Variants in PRKAR1A observed in about 807,000 individuals in gnomAD.
The protein encoded by PRKAR1A is cAMP-dependent protein kinase type I-alpha regulatory subunit.
PRKAR1A carries 3 observed loss-of-function variants against 52.0 expected under a neutral mutation model. The ratio of observed to expected loss-of-function variants is 0.06; its 90% CI spans 0.03 to 0.15. The LOEUF (loss-of-function observed/expected upper bound fraction) is 0.15. Ranked by LOEUF, PRKAR1A falls within the 10% of genes least tolerant of loss-of-function variation. PRKAR1A has a pLI of 1.00. For synonymous variants in PRKAR1A, 188 were observed against 168.4 expected, an observed-to-expected ratio of 1.12 and a Z score of -0.90; for missense variants, 240 against 477.4, an observed-to-expected ratio of 0.50 and a Z score of 4.63.
At chr17:68,443,512 C>T in the PRKAR1A span, among the ~76,000 whole-genome samples, 1 of 152,188 alleles carries the variant, frequency 6.6e-6, no homozygotes, top group Non-Finnish European at 1.5e-5. Context: ...GAAGAGAAGG[C>T]ATCAGAAGTA....
chr17:68,536,406 TAAA>T (rs1568713220), downstream of PRKAR1A: 1 of 454,164 alleles, frequency 2.2e-6, no homozygotes, highest in East Asian at 6.9e-5. Context: ...AGCCTCCTAT[TAAA>T]AGGAGTTTCA....
upstream of PRKAR1A, among the ~76,000 whole-genome samples, chr17:68,510,541 G>A (rs995820030): frequency 6.6e-6 from 1 of 152,178 alleles, no homozygotes; most frequent in African/African-American, 2.4e-5. Flanking sequence ...ACCAAACTCA[G>A]ATTTACCTGA....
the PRKAR1A span, among the ~76,000 whole-genome samples, chr17:68,425,019 C>G: frequency 6.6e-6 from 1 of 152,218 alleles, no homozygotes; most frequent in African/African-American, 2.4e-5. Flanking sequence ...AAGGAAGCCC[C>G]AGCAGGCTCT....
intron 7 of PRKAR1A, among the ~76,000 whole-genome samples, chr17:68,527,068 T>C (rs1390704913): frequency 6.6e-6 from 1 of 152,222 alleles, no homozygotes; most frequent in Admixed American, 6.5e-5. Flanking sequence ...AAAGGAAACA[T>C]AGAATGTTTA....
intron 11 of PRKAR1A, among the ~76,000 whole-genome samples, chr17:68,548,725 A>AT (rs753348891): frequency 0.13 from 10,186 of 78,928 alleles, 1,175 homozygotes; most frequent in African/African-American, 0.21. Context: ...ATGCCTGTAT[A>AT]TTTTTTTTTT....
the PRKAR1A span, chr17:68,426,250 G>GGGGGGGGGGGGGGGA: frequency 2.4e-6 from 2 of 828,060 alleles, no homozygotes; most frequent in Non-Finnish European, 1.9e-6. Flanking sequence ...GGTGGGGAGC[G>GGGGGGGGGGGGGGGA]GGGGCTCAAA....
At chr17:68,441,725 C>T in the PRKAR1A span, among the ~76,000 whole-genome samples, 30 of 152,316 alleles carry the variant, frequency 2.0e-4, no homozygotes, top group South Asian at 4.1e-3. Context: ...GCCACAACCT[C>T]AGGTAACGCT....
rs200599944 is a variant in PRKAR1A, at chr17:68,539,892, C to T, written c.973+9891C>T. 154 of 1,614,032 alleles carry T rather than the reference C, an allele frequency of 9.5e-5. No individual in the cohort carries two copies. The highest frequency in any genetic ancestry group is 1.2e-4 in the Non-Finnish European group (146 of 1,179,940). On this transcript the variant is annotated intron_variant, in intron 11 of 11. Coordinates refer to the PRKAR1A transcript ENST00000585981. Reference sequence around the variant, plus strand: ...ACACGTGGGGAAGCTCACCCTCTGGCGTTGTCAAGGTGAATAAGGAACCCA... The same window carrying T: ...ACACGTGGGGAAGCTCACCCTCTGGTGTTGTCAAGGTGAATAAGGAACCCA...
intron 11 of PRKAR1A, chr17:68,539,260 C>T: frequency 6.7e-7 from 1 of 1,486,226 alleles, no homozygotes. Flanking sequence ...ACTGGAAGCC[C>T]TTCAGACCTT....
intron 11 of PRKAR1A, chr17:68,539,750 G>T: frequency 1.2e-6 from 1 of 801,232 alleles, no homozygotes; most frequent in Non-Finnish European, 2.1e-6. Flanking sequence ...AATGGAAGAA[G>T]CCGGGCTCGA....
chr17:68,547,148 C>G lies in PRKAR1A; in HGVS notation c.974-3936C>G, dbSNP rs2086609610. 2.0e-5 allele frequency among the ~76,000 whole-genome samples: 3 copies of G among 152,212 alleles called. No homozygotes were observed. In the South Asian group the frequency reaches 6.2e-4, roughly 32 times the overall value. ...AGAGCACAGGCAGAGTAAAATTTAG[C>G]ATCACTCTTGAGGGCCTGAGGATGT... On this transcript the variant is annotated intron_variant, in intron 11 of 11. Coordinates refer to the PRKAR1A transcript ENST00000585981.
intron 10 of PRKAR1A, 47 bp from the exon 11 acceptor site, chr17:68,530,230 A>G (rs747025128): frequency 2.5e-6 from 4 of 1,602,052 alleles, no homozygotes; most frequent in Admixed American, 3.3e-5. Flanking sequence ...CTTTAAGGAA[A>G]TGTTTTTCAT....
rs765055840 is a variant in PRKAR1A at position 68,522,714 on chromosome 17, A to C, written c.178-42A>C. Reference sequence around the variant, plus strand: ...TGGAACATGAGAGTGCCAGCTTTACATGCCGAAGGATCTCATTTTGCAAAC... The same window carrying C: ...TGGAACATGAGAGTGCCAGCTTTACCTGCCGAAGGATCTCATTTTGCAAAC... On this transcript the variant is annotated intron_variant, in intron 2 of 10. Transcript: ENST00000589228. 3.7e-6 allele frequency: 6 copies of C among 1,608,048 alleles called. No homozygotes were observed. The Admixed American group carries it at 8.3e-5, about 22-fold the overall frequency.
rs774560279 is a variant in PRKAR1A, at chr17:68,515,597, A to G, written c.177+21A>G. 6.5e-5 allele frequency: 105 copies of G among 1,606,068 alleles called. No individual in the cohort carries two copies. In the South Asian group the frequency reaches 1.1e-3, roughly 18 times the overall value. On this transcript the variant is annotated intron_variant, in intron 2 of 10. Coordinates refer to ENST00000589228, the MANE Select transcript of PRKAR1A (RefSeq NM_002734.5). ...AGAAGGTAAAAATAAATGTGGGGAG[A>G]TGATGAGGTGATTGTGACAGTTGTT...
chr17:68,457,196 C>G, the PRKAR1A span: 1 of 934,770 alleles, frequency 1.1e-6, no homozygotes, highest in Non-Finnish European at 1.6e-6. Flanking sequence ...ACGGGGATAA[C>G]AAGATCCCAA....
chr17:68,421,955 C>T, the PRKAR1A span: 37 of 1,040,974 alleles, frequency 3.6e-5, no homozygotes, highest in Admixed American at 4.5e-4. Flanking sequence ...TGTCTGAACT[C>T]GCTCATGGCC....
At chr17:68,484,348 A>G in the PRKAR1A span, among the ~76,000 whole-genome samples, 1 of 152,186 alleles carries the variant, frequency 6.6e-6, no homozygotes, top group South Asian at 2.1e-4. Flanking sequence ...AGTATTAGAA[A>G]TGGGAGTTTT....
chr17:68,466,240 C>T, the PRKAR1A span, among the ~76,000 whole-genome samples: 1 of 152,134 alleles, frequency 6.6e-6, no homozygotes, highest in Non-Finnish European at 1.5e-5. Context: ...GGGACCTGCC[C>T]TTTTAGGCTT....
At chr17:68,468,583 A>G in the PRKAR1A span, among the ~76,000 whole-genome samples, 1 of 152,186 alleles carries the variant, frequency 6.6e-6, no homozygotes, top group Admixed American at 6.5e-5. Flanking sequence ...CTAAAGCTGA[A>G]TGCACCAGTT....
Sources: gnomAD v4.1 joint callset for allele counts (sites outside exome capture counted in the v4.1 genomes callset) on GRCh38, gnomAD v4.1.1 for gene constraint, MANE v1.5 for transcripts, NCBI Gene and HGNC (gene_info 2026-07-23, HGNC 2026-07-21) for gene names.